Variants in RPTOR observed in about 807,000 individuals in gnomAD.
RPTOR encodes the protein regulatory-associated protein of mTOR.
A neutral mutation model predicts 169.9 loss-of-function variants in RPTOR; 21 were observed. The ratio of observed to expected loss-of-function variants is 0.12; its 90% CI spans 0.09 to 0.18. The LOEUF (loss-of-function observed/expected upper bound fraction) is 0.18, where lower values mean the gene tolerates loss of function less well. Among genes scored for constraint, RPTOR ranks in the 10% least tolerant of loss-of-function variants. The probability of loss-of-function intolerance (pLI) is 1.00; values close to 1 mark genes in which losing one functional copy is unlikely to be tolerated. For missense variants in RPTOR, 1,133 were observed against 1,855.9 expected (o/e 0.61, Z 7.16); for synonymous variants, 732 against 753.2 (o/e 0.97, Z 0.46).
intron 6 of RPTOR, among the ~76,000 whole-genome samples, chr17:80,781,289 A>AT (rs1237657596): frequency 1.3e-5 from 2 of 152,072 alleles, no homozygotes; most frequent in Admixed American, 1.3e-4. Flanking sequence ...ACTTAGAGGG[A>AT]TTTTTTAAAT....
At chr17:80,634,856 C>CTGTGTG (rs2065492521) in intron 2 of RPTOR, among the ~76,000 whole-genome samples, 1 of 80,186 alleles carries the variant, frequency 1.2e-5, no homozygotes, top group Admixed American at 1.1e-4. Context: ...TGTGTGCATA[C>CTGTGTG]CGTGTGTGTG....
intron 9 of RPTOR, among the ~76,000 whole-genome samples, chr17:80,824,578 A>G (rs912228014): frequency 2.0e-5 from 3 of 152,162 alleles, no homozygotes; most frequent in African/African-American, 7.2e-5. Flanking sequence ...TTATTGTAAT[A>G]CATTTATTTT....
intron 5 of RPTOR, chr17:80,743,529 A>G (rs929765108): frequency 2.6e-5 from 22 of 858,154 alleles, no homozygotes; most frequent in Non-Finnish European, 3.1e-5. Context: ...CCAGGTCTGA[A>G]AGAGGTCATC....
intron 3 of RPTOR, among the ~76,000 whole-genome samples, chr17:80,669,278 G>A (rs1056489875): frequency 2.6e-5 from 4 of 152,238 alleles, no homozygotes; most frequent in Non-Finnish European, 5.9e-5. Flanking sequence ...GCCCTTGCAC[G>A]GAATCTGTAA....
chr17:80,551,374 A>C (rs2084342937), intron 1 of RPTOR, among the ~76,000 whole-genome samples: 1 of 152,206 alleles, frequency 6.6e-6, no homozygotes, highest in South Asian at 2.1e-4. Context: ...GAGTTCCCTT[A>C]GTATTTATTG....
chr17:80,696,361 C>T (rs145036839), intron 3 of RPTOR, among the ~76,000 whole-genome samples: 7 of 152,330 alleles, frequency 4.6e-5, no homozygotes, highest in African/African-American at 1.7e-4. Context: ...CAGCCTCTTG[C>T]CCTACATCTT....
intron 3 of RPTOR, among the ~76,000 whole-genome samples, chr17:80,676,845 G>T (rs1387068182): frequency 6.6e-6 from 1 of 152,184 alleles, no homozygotes; most frequent in Non-Finnish European, 1.5e-5. Flanking sequence ...GCTAGCCAGG[G>T]CACAGCGGGA....
chr17:80,774,220 G>A (rs1314748216), intron 6 of RPTOR: 20 of 985,248 alleles, frequency 2.0e-5, no homozygotes, highest in African/African-American at 7.0e-5. Context: ...TTGAGTTCTC[G>A]GTTCTCGACA....
rs1048585679 is a variant in RPTOR, at chr17:80,820,346, G to C, written c.891-1855G>C. Among the ~76,000 whole-genome samples, 7 of 152,200 alleles carry C rather than the reference G, an allele frequency of 4.6e-5. No homozygotes were observed. Among genetic ancestry groups the C allele is most frequent in the Non-Finnish European group, 1.5e-5 (1 of 68,040 alleles). On this transcript the variant is annotated intron_variant, in intron 7 of 33. Coordinates refer to ENST00000306801, the MANE Select transcript of RPTOR (RefSeq NM_020761.3). This position sits in a 1 kb window ranked among gnomAD's most constrained non-coding sequence, Gnocchi z 4.1. ...TCTCATCTGCAGGTGTGGGACCCAA[G>C]ACACAAGTGTGTTGGGGCTCCATGT...
rs746407644 is a variant in RPTOR, at chr17:80,730,685, A to G, written c.633A>G (p.Leu211=). 117 of 1,566,810 alleles carry G rather than the reference A, an allele frequency of 7.5e-5. No individual in the cohort carries two copies. The highest frequency in any genetic ancestry group is 9.6e-5 in the Non-Finnish European group (111 of 1,151,458). ...LIVKSFKQFA[L]QREQELEVAA... Reference sequence around the variant, plus strand: ...TCAAGTCCTTCAAGCAGTTCGCACTACAGCGGGAGCAGGAGCTGGAGGTGA... The same window carrying G: ...TCAAGTCCTTCAAGCAGTTCGCACTGCAGCGGGAGCAGGAGCTGGAGGTGA... The change falls in exon 5 of 34, where the codon CTA becomes CTG. Residue 211 remains leucine (L), a synonymous_variant. Coordinates refer to ENST00000306801, the MANE Select transcript of RPTOR (RefSeq NM_020761.3). The surrounding 1 kb of genome is among the most constrained non-coding windows in gnomAD (Gnocchi z 4.2).
chr17:80,800,406 C>A (rs1403060139), intron 7 of RPTOR, among the ~76,000 whole-genome samples: 1 of 152,200 alleles, frequency 6.6e-6, no homozygotes, highest in Non-Finnish European at 1.5e-5. Flanking sequence ...TTTCGCCGTC[C>A]TTGTCAGATG....
chr17:80,951,393 T>G (rs1021620102), intron 28 of RPTOR, among the ~76,000 whole-genome samples: 4 of 151,998 alleles, frequency 2.6e-5, no homozygotes, highest in African/African-American at 9.7e-5. Context: ...CTCCAGTGCT[T>G]CCTTCAGAGT....
intron 21 of RPTOR, among the ~76,000 whole-genome samples, chr17:80,913,653 A>G (rs996316267): frequency 5.3e-5 from 8 of 151,934 alleles, no homozygotes; most frequent in Non-Finnish European, 8.8e-5. Flanking sequence ...GGGTTTCACC[A>G]TGTTGCCCAG....
At chr17:80,725,287 T>C (rs2143176923) in intron 4 of RPTOR, among the ~76,000 whole-genome samples, 1 of 152,354 alleles carries the variant, frequency 6.6e-6, no homozygotes, top group East Asian at 1.9e-4. Flanking sequence ...CTTCCCCTGA[T>C]GTTTAATATA....
intron 3 of RPTOR, among the ~76,000 whole-genome samples, chr17:80,669,462 G>T (rs1274419912): frequency 6.6e-6 from 1 of 152,176 alleles, no homozygotes; most frequent in African/African-American, 2.4e-5. Flanking sequence ...TCAGCTCACC[G>T]CAACCTCCGC....
Position 80,964,462 on chromosome 17 carries a change from C to A in RPTOR, c.*132C>A. On this transcript the variant is annotated 3_prime_UTR_variant, in exon 34 of 34. Transcript: ENST00000306801. ...TGGCTGCTGCCTTAGCTGCTGATGA[C>A]GGCAGGAGGGCCCTGCTACTCGCTT... 1 of 835,954 alleles carries A rather than the reference C, an allele frequency of 1.2e-6. No individual in the cohort carries two copies. Among genetic ancestry groups the A allele is most frequent in the Non-Finnish European group, 2.0e-6 (1 of 510,698 alleles). The allele number at this position is 835,954 out of a possible 1,614,324, so 51.8% of individuals were successfully genotyped here. A position where few individuals can be genotyped will look rare whatever the true frequency, so the allele number is the denominator to read the frequency against.
intron 21 of RPTOR, among the ~76,000 whole-genome samples, chr17:80,911,748 GCA>G (rs2068615601): frequency 6.6e-6 from 1 of 152,218 alleles, no homozygotes; most frequent in Non-Finnish European, 1.5e-5. Flanking sequence ...TTGTGCCACT[GCA>G]CTTCATCCTG....
intron 5 of RPTOR, among the ~76,000 whole-genome samples, chr17:80,751,023 T>C (rs2066625223): frequency 6.6e-6 from 1 of 152,224 alleles, no homozygotes; most frequent in East Asian, 1.9e-4. Context: ...GGGTTTAATG[T>C]TCCTGTGGTA....
chr17:80,776,858 A>C (rs1441022737), intron 6 of RPTOR, among the ~76,000 whole-genome samples: 1 of 152,198 alleles, frequency 6.6e-6, no homozygotes, highest in Non-Finnish European at 1.5e-5. Flanking sequence ...GACCAGTATT[A>C]CAAGGCCGGA....
Sources: gnomAD v4.1 joint callset for allele counts (sites outside exome capture counted in the v4.1 genomes callset) on GRCh38, gnomAD v4.1.1 for gene constraint, Gnocchi (gnomAD v3.1) non-coding constraint, MANE v1.5 for transcripts, NCBI Gene and HGNC (gene_info 2026-07-23, HGNC 2026-07-21) for gene names.